PTPRD: variants seen among roughly 807,000 people sequenced by gnomAD.
The protein encoded by PTPRD is receptor-type tyrosine-protein phosphatase delta.
Under a neutral mutation model 214.5 loss-of-function variants are expected in PTPRD, and 34 were observed. That is an observed-to-expected ratio of 0.16 (90% confidence interval 0.12 to 0.21). PTPRD has a LOEUF of 0.21. Ranked by LOEUF, PTPRD falls within the 10% of genes least tolerant of loss-of-function variation. The pLI is 1.00. For synonymous variants in PTPRD, 1,128 were observed against 845.7 expected, an observed-to-expected ratio of 1.33 and a Z score of -5.79; for missense variants, 2,545 against 2,398.7, an observed-to-expected ratio of 1.06 and a Z score of -1.27.
At chr9:10,315,258 G>T (rs1297039913) in intron 3 of PTPRD, among the ~76,000 whole-genome samples, 1 of 151,816 alleles carries the variant, frequency 6.6e-6, no homozygotes. Context: ...GTCAATCACA[G>T]ATTGCATGAT....
chr9:9,677,114 A>G (rs1219794566), intron 7 of PTPRD, among the ~76,000 whole-genome samples: 1 of 152,096 alleles, frequency 6.6e-6, no homozygotes. Context: ...TTTGATGTGC[A>G]GAAGCTCTTT....
chr9:9,954,309 A>AC (rs1566685791), intron 4 of PTPRD, among the ~76,000 whole-genome samples: 2 of 144,038 alleles, frequency 1.4e-5, no homozygotes, highest in African/African-American at 4.9e-5. Context: ...AAAAAAAAAA[A>AC]AAAAAAAAAA....
chr9:9,177,156 A>T (rs1005629311), intron 10 of PTPRD, among the ~76,000 whole-genome samples: 1 of 152,116 alleles, frequency 6.6e-6, no homozygotes, highest in Non-Finnish European at 1.5e-5. Flanking sequence ...AAGGGGAAGC[A>T]AGGTGCTTTC....
chr9:9,628,200 C>T (rs1287948900), intron 7 of PTPRD, among the ~76,000 whole-genome samples: 1 of 152,092 alleles, frequency 6.6e-6, no homozygotes, highest in African/African-American at 2.4e-5. Context: ...CTTCCTGTGG[C>T]CCCAGTTTGG....
intron 10 of PTPRD, among the ~76,000 whole-genome samples, chr9:9,030,334 T>A (rs2099601127): frequency 7.0e-6 from 1 of 142,196 alleles, no homozygotes; most frequent in Non-Finnish European, 1.5e-5. Context: ...CTTTTCTCAT[T>A]CACTAGTAAG....
chr9:10,552,323 A>G (rs1463032348), intron 2 of PTPRD, among the ~76,000 whole-genome samples: 1 of 152,190 alleles, frequency 6.6e-6, no homozygotes, highest in East Asian at 1.9e-4. Flanking sequence ...CTAAATATGA[A>G]TGAGCTATCA....
At chr9:9,175,623 A>AG (rs1491124495) in intron 10 of PTPRD, among the ~76,000 whole-genome samples, 2 of 17,906 alleles carry the variant, frequency 1.1e-4, no homozygotes, top group South Asian at 3.7e-3. Context: ...ACTCTGTCTC[A>AG]AAAAAAAAAA....
At chr9:10,541,595 C>A (rs1333900160) in intron 2 of PTPRD, among the ~76,000 whole-genome samples, 2 of 151,506 alleles carry the variant, frequency 1.3e-5, no homozygotes, top group Admixed American at 6.6e-5. Flanking sequence ...AAGTTAGTTA[C>A]CATTATTACA....
At chr9:9,360,340 A>G (rs2055598675) in intron 9 of PTPRD, among the ~76,000 whole-genome samples, 1 of 151,252 alleles carries the variant, frequency 6.6e-6, no homozygotes, top group African/African-American at 2.4e-5. Context: ...AGAAGCAAAT[A>G]ATAGGAAAAA....
At chr9:9,483,283 G>A (rs1589560676) in intron 8 of PTPRD, among the ~76,000 whole-genome samples, 1 of 152,096 alleles carries the variant, frequency 6.6e-6, no homozygotes, top group African/African-American at 2.4e-5. Context: ...CCCATCAGCT[G>A]TCACTAGTAA....
chr9:9,913,421 G>C (rs907617150), intron 5 of PTPRD, among the ~76,000 whole-genome samples: 1 of 152,120 alleles, frequency 6.6e-6, no homozygotes, highest in African/African-American at 2.4e-5. Flanking sequence ...AAAACAGAGT[G>C]ATCTCATCAA....
chr9:9,019,736 A>G (rs1241303697), intron 10 of PTPRD, among the ~76,000 whole-genome samples: 1 of 152,162 alleles, frequency 6.6e-6, no homozygotes, highest in Non-Finnish European at 1.5e-5. Context: ...GAAGTTTATT[A>G]TTAATATAAT....
chr9:9,254,191 C>T (rs2099976719), intron 9 of PTPRD, among the ~76,000 whole-genome samples: 1 of 152,026 alleles, frequency 6.6e-6, no homozygotes, highest in Non-Finnish European at 1.5e-5. Flanking sequence ...GTGAGCACAT[C>T]TTATGGGGGC....
intron 3 of PTPRD, among the ~76,000 whole-genome samples, chr9:10,242,550 G>T (rs528763048): frequency 3.9e-4 from 59 of 151,732 alleles, no homozygotes; most frequent in African/African-American, 1.4e-3. Context: ...CTTTCTGCTA[G>T]ATCCAGGGAT....
At chr9:9,754,538 T>C (rs1303666190) in intron 6 of PTPRD, among the ~76,000 whole-genome samples, 1 of 152,056 alleles carries the variant, frequency 6.6e-6, no homozygotes, top group Non-Finnish European at 1.5e-5. Flanking sequence ...AAAAAATGCA[T>C]TAGCATCTTT....
intron 9 of PTPRD, among the ~76,000 whole-genome samples, chr9:9,384,763 G>C (rs966456385): frequency 6.6e-6 from 1 of 151,798 alleles, no homozygotes; most frequent in Admixed American, 6.6e-5. Flanking sequence ...TTTTCTCATT[G>C]CTGCTTTTTT....
At chr9:10,405,369 T>C (rs917778911) in intron 2 of PTPRD, among the ~76,000 whole-genome samples, 1 of 151,672 alleles carries the variant, frequency 6.6e-6, no homozygotes, top group African/African-American at 2.4e-5. Context: ...TTATATTTTC[T>C]ACAAATCTGT....
chr9:10,427,871 T>C (rs928795119), intron 2 of PTPRD, among the ~76,000 whole-genome samples: 2 of 152,108 alleles, frequency 1.3e-5, no homozygotes, highest in African/African-American at 4.8e-5. Flanking sequence ...TTAACTGATA[T>C]ATTTTTTAAT....
At chr9:8,905,493 C>A (rs759432433) in intron 11 of PTPRD, among the ~76,000 whole-genome samples, 27 of 151,996 alleles carry the variant, frequency 1.8e-4, no homozygotes, top group Non-Finnish European at 2.8e-4. Flanking sequence ...AATCCCAATA[C>A]ATTGGGAGGT....
Sources: gnomAD v4.1 joint callset for allele counts (sites outside exome capture counted in the v4.1 genomes callset) on GRCh38, gnomAD v4.1.1 for gene constraint, MANE v1.5 for transcripts, NCBI Gene and HGNC (gene_info 2026-07-23, HGNC 2026-07-21) for gene names.